Variants in RABEP1 observed in about 807,000 individuals in gnomAD.
RABEP1 encodes rabaptin, RAB GTPase binding effector protein 1.
Under a neutral mutation model 123.4 loss-of-function variants are expected in RABEP1, and 51 were observed. The ratio of observed to expected loss-of-function variants is 0.41; its 90% CI spans 0.33 to 0.52. RABEP1 has a LOEUF of 0.52. Among genes scored for constraint, RABEP1 ranks in the 20% least tolerant of loss-of-function variants. The pLI, the probability that RABEP1 is intolerant of heterozygous loss-of-function variation, is 0.16. For synonymous variants in RABEP1, 347 were observed against 355.2 expected, an observed-to-expected ratio of 0.98 and a Z score of 0.26; for missense variants, 888 against 996.3, an observed-to-expected ratio of 0.89 and a Z score of 1.46.
chr17:5,326,850 G>C (rs577739015), intron 2 of RABEP1, among the ~76,000 whole-genome samples: 2 of 152,242 alleles, frequency 1.3e-5, no homozygotes, highest in East Asian at 3.9e-4. Context: ...TCGTGATGGC[G>C]ATACATTCTC....
chr17:5,373,367 G>T lies in RABEP1; in HGVS notation c.1938G>T (p.Gln646His), dbSNP rs969111965. The T allele has an allele frequency of 6.2e-7, 1 of 1,613,336 alleles. No individual in the cohort carries two copies. Among genetic ancestry groups the T allele is most frequent in the Non-Finnish European group, 8.5e-7 (1 of 1,179,902 alleles). Residue 646 changes from glutamine to histidine, a missense_variant, in exon 13 of 18, where the codon CAG becomes CAT. Gln to His is a conservative substitution (Grantham distance 24). Transcript: ENST00000537505. ...EQVSEELVRL[Q>H]KDNDSLQGKH... The stretch of plus-strand genomic sequence containing the variant: ...TTTCAGAAGAGCTGGTGAGGTTACA[G>T]AAAGATAATGACAGTCTCCAGGGAA...
At position 5,380,390 on chromosome 17, in the gene RABEP1, T is replaced by C. The variant is rs1469217427; in HGVS notation, c.2298T>C (p.Ser766=). Residue 766 remains serine, a synonymous_variant, in exon 16 of 18, where the codon TCT becomes TCC. Transcript: ENST00000537505. ...GQLESTLREK[S]QQLESLQEIK... Reference sequence around the variant, plus strand: ...TGGAGTCCACATTAAGAGAGAAGTCTCAACAGCTTGAGAGTCTTCAGGAAA... The same window carrying C: ...TGGAGTCCACATTAAGAGAGAAGTCCCAACAGCTTGAGAGTCTTCAGGAAA... 1.1e-5 allele frequency: 17 copies of C among 1,572,754 alleles called. No homozygotes were observed. The highest frequency in any genetic ancestry group is 1.3e-5 in the African/African-American group (1 of 74,088).
intron 16 of RABEP1, among the ~76,000 whole-genome samples, chr17:5,381,173 TTTGGCTTTTCA>T (rs1203382785): frequency 6.6e-6 from 1 of 152,126 alleles, no homozygotes; most frequent in African/African-American, 2.4e-5. Flanking sequence ...CATTTCTTCC[TTTGGCTTTTCA>T]TACCCAGTTC....
At chr17:5,316,449 C>CAAAA (rs386385498) in intron 2 of RABEP1, among the ~76,000 whole-genome samples, 2,455 of 28,562 alleles carry the variant, frequency 0.086, 859 homozygotes, top group Non-Finnish European at 0.11. Flanking sequence ...GACTCTGTCT[C>CAAAA]AAAAAAAAAA....
rs746945390 is a variant in RABEP1 at position 5,354,456 on chromosome 17, A to G, written c.1061A>G (p.Gln354Arg). The G allele has an allele frequency of 6.8e-6, 11 of 1,612,694 alleles. No homozygotes were observed. Among genetic ancestry groups the G allele is most frequent in the Non-Finnish European group, 9.3e-6 (11 of 1,179,352 alleles). ...ATACCAGTAGTGTGTGCTTTAACTC[A>G]AGAAGAATCTTCAGCCCAGTTATCA... ...IKIPVVCALT[Q>R]EESSAQLSNE... Residue 354 changes from glutamine to arginine, a missense_variant, in exon 8 of 18, where the codon CAA becomes CGA. Transcript: ENST00000537505.
intron 5 of RABEP1, among the ~76,000 whole-genome samples, chr17:5,344,958 G>A (rs1172181172): frequency 6.6e-6 from 1 of 151,100 alleles, no homozygotes; most frequent in Admixed American, 6.6e-5. Context: ...TCGAGACTCC[G>A]TCTCAGAAAA....
At chr17:5,335,758 C>G (rs1161644702) in intron 4 of RABEP1, among the ~76,000 whole-genome samples, 1 of 152,090 alleles carries the variant, frequency 6.6e-6, no homozygotes, top group Non-Finnish European at 1.5e-5. Flanking sequence ...TCTGTGAAGG[C>G]AGGAGTTTCT....
At chr17:5,308,885 GGTA>G (rs1422201340) in intron 2 of RABEP1, 63 bp downstream of exon 2, 18 of 1,403,462 alleles carry the variant, frequency 1.3e-5, no homozygotes, top group Non-Finnish European at 1.1e-5. Context: ...TGAGTTTCTT[GGTA>G]GTAGTGTTAA....
At chr17:5,375,228 GTTAT>G (rs139115755) in intron 13 of RABEP1, among the ~76,000 whole-genome samples, 17,480 of 148,742 alleles carry the variant, frequency 0.12, 1,115 homozygotes, top group South Asian at 0.2. Context: ...TAACATGACT[GTTAT>G]TTTTTATGTT....
chr17:5,360,255 C>G (rs1282622009), intron 8 of RABEP1, among the ~76,000 whole-genome samples: 1 of 152,180 alleles, frequency 6.6e-6, no homozygotes, highest in African/African-American at 2.4e-5. Flanking sequence ...GTTGATTACA[C>G]CTTGCTGGAA....
chr17:5,333,086 A>T (rs1176260339), intron 3 of RABEP1, among the ~76,000 whole-genome samples: 3 of 152,154 alleles, frequency 2.0e-5, no homozygotes, highest in Admixed American at 6.5e-5. Flanking sequence ...TTACTTCCCA[A>T]ATTTCTGAGA....
chr17:5,302,244 A>ATTTTTTTTT (rs57770310), intron 1 of RABEP1, among the ~76,000 whole-genome samples: 44,071 of 116,864 alleles, frequency 0.38, 10,543 homozygotes, highest in East Asian at 0.79. Context: ...TACTGAAAAC[A>ATTTTTTTTT]TTTTTTTTTT....
rs528144307 is a variant in RABEP1, at chr17:5,377,697, T to A, written c.2215+392T>A. On this transcript the variant is annotated intron_variant, in intron 14 of 17. Transcript: ENST00000537505. ...ATGTGTGCCAGCACACCCAGCTAATTTTGTATTTTTAGTAGAGACGGGTTT... is the reference window on the plus strand; with the variant it reads ...ATGTGTGCCAGCACACCCAGCTAATATTGTATTTTTAGTAGAGACGGGTTT... Among the ~76,000 whole-genome samples, 13 of 152,040 alleles carry A rather than the reference T, an allele frequency of 8.6e-5. No homozygotes were observed. In the South Asian group the frequency reaches 2.7e-3, roughly 32 times the overall value.
chr17:5,328,964 A>G (rs986413428), intron 2 of RABEP1, among the ~76,000 whole-genome samples: 16 of 151,672 alleles, frequency 1.1e-4, no homozygotes, highest in African/African-American at 3.9e-4. Context: ...TAGTATAACC[A>G]AATGAAGTAC....
At chr17:5,371,042 C>T (rs1910488438) in intron 12 of RABEP1, among the ~76,000 whole-genome samples, 1 of 151,992 alleles carries the variant, frequency 6.6e-6, no homozygotes, top group Admixed American at 6.5e-5. Flanking sequence ...TCTCGGCTCA[C>T]TGCAAGCTCC....
chr17:5,377,407 G>A, intron 14 of RABEP1, 102 bp downstream of exon 14: 1 of 891,640 alleles, frequency 1.1e-6, no homozygotes, highest in South Asian at 2.5e-5. Context: ...GAAAAGCTTA[G>A]GAAAGAATTT....
intron 13 of RABEP1, among the ~76,000 whole-genome samples, chr17:5,376,225 G>C (rs776443359): frequency 6.6e-6 from 1 of 152,212 alleles, no homozygotes; most frequent in Non-Finnish European, 1.5e-5. Context: ...GGAGGTTGAA[G>C]TGGGAGTTTT....
At chr17:5,322,429 A>G (rs917383029) in intron 2 of RABEP1, among the ~76,000 whole-genome samples, 8 of 152,128 alleles carry the variant, frequency 5.3e-5, no homozygotes, top group Non-Finnish European at 4.4e-5. Context: ...CAATTCAGCA[A>G]GAGGACAATT....
chr17:5,360,682 A>G (rs1296485829), intron 8 of RABEP1, among the ~76,000 whole-genome samples: 1 of 151,974 alleles, frequency 6.6e-6, no homozygotes, highest in African/African-American at 2.4e-5. Context: ...TTGCCTACAC[A>G]CTCATCCTAC....
Sources: gnomAD v4.1 joint callset for allele counts (sites outside exome capture counted in the v4.1 genomes callset) on GRCh38, gnomAD v4.1.1 for gene constraint, MANE v1.5 for transcripts, NCBI Gene and HGNC (gene_info 2026-07-23, HGNC 2026-07-21) for gene names.